The following CLSTN2 variants were observed in gnomAD, a reference collection of about 807,000 sequenced individuals.
CLSTN2 encodes calsyntenin-2.
CLSTN2 carries 48 observed loss-of-function variants against 101.2 expected under a neutral mutation model. That is an observed-to-expected ratio of 0.47 (90% confidence interval 0.38 to 0.60). CLSTN2 has a LOEUF of 0.60. CLSTN2 is among the 20% of genes least tolerant of loss of function. The pLI is 0.00. For missense variants in CLSTN2, 1,160 were observed against 1,238.2 expected, an observed-to-expected ratio of 0.94 and a Z score of 0.95; for synonymous variants, 481 against 463.6, an observed-to-expected ratio of 1.04 and a Z score of -0.48.
chr3:140,278,412 C>G (rs547101453), intron 2 of CLSTN2, among the ~76,000 whole-genome samples: 1 of 152,304 alleles, frequency 6.6e-6, no homozygotes, highest in East Asian at 1.9e-4. Context: ...TTCCCCTTTG[C>G]CTGTGAAGCA....
rs546995905 is a variant in CLSTN2, at chr3:140,180,353, G to A, written c.232+4280G>A. On this transcript the variant is annotated intron_variant, in intron 2 of 16. Coordinates refer to ENST00000458420, the MANE Select transcript of CLSTN2 (RefSeq NM_022131.3). The stretch of plus-strand genomic sequence containing the variant: ...TTTTCATCTCTGCCCTACCTGATTA[G>A]TAAAGTGCTGATGCTCAGTCAGTGA... Among the ~76,000 whole-genome samples the A allele has an allele frequency of 5.3e-5, 8 of 152,300 alleles. No homozygotes were observed. In the South Asian group the frequency reaches 1.7e-3, roughly 32 times the overall value.
chr3:140,490,117 T>C (rs1346710939), intron 8 of CLSTN2, among the ~76,000 whole-genome samples: 11 of 1,946 alleles, frequency 5.7e-3, no homozygotes, highest in African/African-American at 0.012. Context: ...TATATATATA[T>C]ACACACACAC....
At chr3:139,991,164 C>T (rs1936108254) in intron 1 of CLSTN2, among the ~76,000 whole-genome samples, 1 of 152,088 alleles carries the variant, frequency 6.6e-6, no homozygotes, top group African/African-American at 2.4e-5. Context: ...GTGATGAGCA[C>T]ATATTGTTCT....
rs1391029737 is a variant in CLSTN2, at chr3:140,571,309, ATCT to A, written c.*5061_*5063del. Reference sequence around the variant, plus strand: ...GACCAAGCACACTTCGAAATTAGCAATCTTCTTGGCTCTATGGCTCAATATCAG... The same window carrying A: ...GACCAAGCACACTTCGAAATTAGCAATCTTGGCTCTATGGCTCAATATCAG... On this transcript the variant is annotated 3_prime_UTR_variant, in exon 17 of 17. Coordinates refer to ENST00000458420, the MANE Select transcript of CLSTN2 (RefSeq NM_022131.3). The A allele has an allele frequency of 2.0e-5, 3 of 152,368 alleles. No homozygotes were observed. Among genetic ancestry groups the A allele is most frequent in the African/African-American group, 7.2e-5 (3 of 41,582 alleles). The allele number at this position is 152,368 out of a possible 1,614,324, so 9.4% of individuals were successfully genotyped here.
chr3:139,953,281 T>C (rs995659572), intron 1 of CLSTN2, among the ~76,000 whole-genome samples: 6 of 152,256 alleles, frequency 3.9e-5, no homozygotes, highest in African/African-American at 1.2e-4. Flanking sequence ...CCCTACAGGA[T>C]TGAGAAACTA....
At chr3:140,562,761 TTCC>T (rs1194753149) in intron 13 of CLSTN2, 47 bp from the exon 14 acceptor site, 3 of 1,600,896 alleles carry the variant, frequency 1.9e-6, no homozygotes, top group East Asian at 2.2e-5. Flanking sequence ...CTCTCTTCTC[TTCC>T]TCCTCCTTTT....
chr3:140,224,199 C>G (rs375977173), intron 2 of CLSTN2, among the ~76,000 whole-genome samples: 112 of 152,322 alleles, frequency 7.4e-4, no homozygotes, highest in African/African-American at 2.6e-3. Flanking sequence ...CAAGCCCCAG[C>G]CTGGCCCCCT....
At chr3:140,342,793 G>A (rs543758502) in intron 2 of CLSTN2, among the ~76,000 whole-genome samples, 1 of 152,246 alleles carries the variant, frequency 6.6e-6, no homozygotes, top group African/African-American at 2.4e-5. Flanking sequence ...GCTGTCATCT[G>A]GAACAAAGCT....
chr3:140,029,667 T>C (rs1364538553), intron 1 of CLSTN2, among the ~76,000 whole-genome samples: 1 of 152,198 alleles, frequency 6.6e-6, no homozygotes, highest in Non-Finnish European at 1.5e-5. Context: ...ACCAAACACA[T>C]AGAGATGAGA....
chr3:140,052,781 C>A lies in CLSTN2; in HGVS notation c.109+117298C>A, dbSNP rs116747807. ...CATTTTTGACATGGGCTCTGGAGCC[C>A]AACAAACCTGGGTTCCAAGCAAGCA... On this transcript the variant is annotated intron_variant, in intron 1 of 16. Coordinates refer to ENST00000458420, the MANE Select transcript of CLSTN2 (RefSeq NM_022131.3). 4.0e-3 allele frequency among the ~76,000 whole-genome samples: 612 copies of A among 152,280 alleles called. 4 individuals are homozygous for A. The highest frequency in any genetic ancestry group is 0.014 in the African/African-American group (588 of 41,552).
intron 2 of CLSTN2, among the ~76,000 whole-genome samples, chr3:140,377,976 A>G (rs527615604): frequency 6.6e-6 from 1 of 152,292 alleles, no homozygotes; most frequent in South Asian, 2.1e-4. Flanking sequence ...CCATATTTTT[A>G]CTGAGCCTTT....
chr3:140,060,223 G>A (rs780956313), intron 1 of CLSTN2, among the ~76,000 whole-genome samples: 7 of 152,152 alleles, frequency 4.6e-5, no homozygotes, highest in South Asian at 2.1e-4. Context: ...TATATGTACC[G>A]TTGTGAAAGC....
intron 1 of CLSTN2, among the ~76,000 whole-genome samples, chr3:140,058,240 C>T (rs2008134982): frequency 6.6e-6 from 1 of 152,154 alleles, no homozygotes. Flanking sequence ...GTTCCTAAAT[C>T]CCAGGCAGTA....
chr3:139,982,858 G>A (rs971436756), intron 1 of CLSTN2, among the ~76,000 whole-genome samples: 3 of 151,930 alleles, frequency 2.0e-5, no homozygotes, highest in African/African-American at 7.3e-5. Flanking sequence ...CTAGACATTA[G>A]TTCAGACTAT....
At chr3:140,028,968 C>A (rs2007489528) in intron 1 of CLSTN2, among the ~76,000 whole-genome samples, 1 of 152,072 alleles carries the variant, frequency 6.6e-6, no homozygotes, top group Non-Finnish European at 1.5e-5. Flanking sequence ...TGGATGACTC[C>A]TGCAAAGTGA....
At chr3:140,157,382 T>A (rs1239288463) in intron 1 of CLSTN2, among the ~76,000 whole-genome samples, 1 of 152,164 alleles carries the variant, frequency 6.6e-6, no homozygotes, top group African/African-American at 2.4e-5. Context: ...TTTATTTGGT[T>A]GGTAGGTTTT....
intron 1 of CLSTN2, among the ~76,000 whole-genome samples, chr3:139,978,711 A>T (rs1184024107): frequency 8.6e-6 from 1 of 115,996 alleles, no homozygotes; most frequent in African/African-American, 3.7e-5. Flanking sequence ...TGTTGTGTGG[A>T]AGGGAGAGGG....
At chr3:140,335,255 C>A (rs950650396) in intron 2 of CLSTN2, among the ~76,000 whole-genome samples, 1 of 152,134 alleles carries the variant, frequency 6.6e-6, no homozygotes, top group Non-Finnish European at 1.5e-5. Context: ...ACCTGGTGAC[C>A]CATTTGGTGG....
chr3:140,091,201 G>C (rs1003983914), intron 1 of CLSTN2, among the ~76,000 whole-genome samples: 1 of 152,188 alleles, frequency 6.6e-6, no homozygotes, highest in African/African-American at 2.4e-5. Context: ...ATCAGTGCTT[G>C]ATAAACATAA....
Sources: allele counts gnomAD v4.1 joint callset (sites outside exome capture counted in the v4.1 genomes callset), GRCh38; gene constraint gnomAD v4.1.1; transcripts MANE v1.5; gene names NCBI Gene and HGNC (gene_info 2026-07-23, HGNC 2026-07-21).